The following SESTD1 variants were observed in gnomAD, a reference collection of about 807,000 sequenced individuals.
SESTD1 encodes SEC14 domain and spectrin repeat-containing protein 1.
A neutral mutation model predicts 101.7 loss-of-function variants in SESTD1; 43 were observed. The observed-to-expected ratio is 0.42, with a 90% CI of 0.33 to 0.55. SESTD1 has a LOEUF of 0.55. Among genes scored for constraint, SESTD1 ranks in the 20% least tolerant of loss-of-function variants. The pLI is 0.07. For missense variants in SESTD1, 647 were observed against 815.1 expected (o/e 0.79, Z 2.51); for synonymous variants, 283 against 286.8 (o/e 0.99, Z 0.13).
rs1468410519 is a variant in SESTD1, at chr2:179,254,101, A to G, written c.-26+10398T>C. 3.7e-5 allele frequency among the ~76,000 whole-genome samples: 5 copies of G among 134,430 alleles called. No homozygotes were observed. The East Asian group carries it at 6.7e-4, about 18-fold the overall frequency. The allele number at this position is 134,430 out of a possible 152,430, so 88.2% of individuals were successfully genotyped here. A position where few individuals can be genotyped will look rare whatever the true frequency, so the allele number is the denominator to read the frequency against. ...GGTGGCAGAGTGAGACCTTGTCTCGAAAAAAAAATAAAATAATAAAAAATA... is the reference window on the plus strand; with the variant it reads ...GGTGGCAGAGTGAGACCTTGTCTCGGAAAAAAAATAAAATAATAAAAAATA... On this transcript the variant is annotated intron_variant, in intron 1 of 17. Transcript: ENST00000428443.
intron 1 of SESTD1, among the ~76,000 whole-genome samples, chr2:179,197,407 T>C (rs2046419048): frequency 6.6e-6 from 1 of 152,132 alleles, no homozygotes; most frequent in African/African-American, 2.4e-5. Flanking sequence ...CCAGGAGAAC[T>C]TCCCCAATCT....
chr2:179,181,566 G>GAA (rs950368729), intron 3 of SESTD1, among the ~76,000 whole-genome samples: 3 of 152,096 alleles, frequency 2.0e-5, no homozygotes, highest in African/African-American at 4.8e-5. Flanking sequence ...CTACTCATCT[G>GAA]AAGTACAAAA....
intron 1 of SESTD1, among the ~76,000 whole-genome samples, chr2:179,244,114 T>G (rs1389077991): frequency 6.6e-6 from 1 of 151,182 alleles, no homozygotes; most frequent in Admixed American, 6.6e-5. Context: ...CAGTACAAGA[T>G]TCTGTCTCTA....
intron 9 of SESTD1, among the ~76,000 whole-genome samples, chr2:179,142,038 T>C (rs1575438420): frequency 6.6e-6 from 1 of 152,228 alleles, no homozygotes; most frequent in African/African-American, 2.4e-5. Context: ...CCATGACATC[T>C]TGATGCTCTA....
intron 1 of SESTD1, among the ~76,000 whole-genome samples, chr2:179,258,307 T>C (rs945730040): frequency 2.0e-5 from 3 of 152,140 alleles, no homozygotes; most frequent in African/African-American, 7.2e-5. Flanking sequence ...TTCCTAAACT[T>C]TCTAAACTAT....
chr2:179,136,748 G>A (rs1209389055), intron 9 of SESTD1, among the ~76,000 whole-genome samples: 1 of 152,082 alleles, frequency 6.6e-6, no homozygotes, highest in Non-Finnish European at 1.5e-5. Flanking sequence ...AACAAAAGAA[G>A]CAGGTTAATA....
intron 5 of SESTD1, among the ~76,000 whole-genome samples, chr2:179,171,602 G>T (rs1414304615): frequency 6.6e-6 from 1 of 152,144 alleles, no homozygotes; most frequent in African/African-American, 2.4e-5. Context: ...AAACTGCTTA[G>T]ATTTACATTC....
intron 2 of SESTD1, among the ~76,000 whole-genome samples, chr2:179,185,772 C>CATATTATATATAATATAATATAGTATATT (rs2046216273): frequency 6.5e-5 from 7 of 106,940 alleles, no homozygotes; most frequent in Admixed American, 3.2e-4. Context: ...TATAATATAG[C>CATATTATATATAATATAATATAGTATATT]ATATACAATA....
At chr2:179,174,834 A>G (rs993677809) in intron 4 of SESTD1, among the ~76,000 whole-genome samples, 6 of 151,974 alleles carry the variant, frequency 3.9e-5, no homozygotes, top group Non-Finnish European at 7.4e-5. Context: ...CTCCAGTCCC[A>G]ACTACTCAGG....
intron 1 of SESTD1, among the ~76,000 whole-genome samples, chr2:179,227,182 TTATC>T (rs1225466854): frequency 6.6e-6 from 1 of 152,222 alleles, no homozygotes; most frequent in African/African-American, 2.4e-5. Context: ...TGAGTTTTCA[TTATC>T]TATATTTCAA....
rs1464948049 is a variant in SESTD1 at position 179,104,020 on chromosome 2, A to C, written c.*5879T>G. 6.6e-6 allele frequency: 1 copy of C among 152,180 alleles called. No homozygotes were observed. Among genetic ancestry groups the C allele is most frequent in the Non-Finnish European group, 1.5e-5 (1 of 68,006 alleles). The allele number at this position is 152,180 out of a possible 1,614,324, so 9.4% of individuals were successfully genotyped here. On this transcript the variant is annotated 3_prime_UTR_variant, in exon 18 of 18. Transcript: ENST00000428443. ...AGCATCTAGGTAGTGAGTACACTATAAAATTATTTTAACTTTTTAATGTAT... is the reference window on the plus strand; with the variant it reads ...AGCATCTAGGTAGTGAGTACACTATCAAATTATTTTAACTTTTTAATGTAT...
At chr2:179,219,933 T>C (rs2105525518) in intron 1 of SESTD1, among the ~76,000 whole-genome samples, 1 of 152,274 alleles carries the variant, frequency 6.6e-6, no homozygotes, top group South Asian at 2.1e-4. Context: ...ATTTTTACCA[T>C]ATGAATCAAG....
intron 5 of SESTD1, among the ~76,000 whole-genome samples, chr2:179,154,565 ACATCACCACC>A (rs1185291163): frequency 6.6e-6 from 1 of 152,202 alleles, no homozygotes; most frequent in Non-Finnish European, 1.5e-5. Context: ...ATCAAGGAAC[ACATCACCACC>A]TGTGAAGAGC....
chr2:179,129,442 T>C (rs1044025502), intron 10 of SESTD1, among the ~76,000 whole-genome samples: 1 of 152,234 alleles, frequency 6.6e-6, no homozygotes, highest in Non-Finnish European at 1.5e-5. Context: ...ATCCTTGAAC[T>C]AGAACTACAG....
chr2:179,240,970 C>G (rs1253589814), intron 1 of SESTD1, among the ~76,000 whole-genome samples: 1 of 149,062 alleles, frequency 6.7e-6, no homozygotes, highest in African/African-American at 2.5e-5. Flanking sequence ...ATGTTTAAAA[C>G]AAAAAAAAAG....
intron 1 of SESTD1, among the ~76,000 whole-genome samples, chr2:179,254,270 G>GAAA: frequency 6.6e-6 from 1 of 152,110 alleles, no homozygotes. Context: ...AGCTAAAAAA[G>GAAA]AAAACCTAAT....
At chr2:179,194,117 G>A (rs1478006415) in intron 1 of SESTD1, among the ~76,000 whole-genome samples, 1 of 152,116 alleles carries the variant, frequency 6.6e-6, no homozygotes, top group African/African-American at 2.4e-5. Flanking sequence ...TGGATGGGTT[G>A]AGGCCACACC....
intron 1 of SESTD1, among the ~76,000 whole-genome samples, chr2:179,254,758 A>C (rs903213971): frequency 6.6e-6 from 1 of 152,232 alleles, no homozygotes; most frequent in East Asian, 1.9e-4. Context: ...CATGAATTTT[A>C]GGTATATTTA....
At chr2:179,116,600 C>T in intron 15 of SESTD1, 68 bp downstream of exon 15, 1 of 1,610,332 alleles carries the variant, frequency 6.2e-7, no homozygotes, top group Non-Finnish European at 8.5e-7. Context: ...GGTAAAGTTA[C>T]ATTATAATCA....
Sources: allele counts gnomAD v4.1 joint callset (sites outside exome capture counted in the v4.1 genomes callset), GRCh38; gene constraint gnomAD v4.1.1; transcripts MANE v1.5; gene names NCBI Gene and HGNC (gene_info 2026-07-23, HGNC 2026-07-21).